LRP1B: variants seen among roughly 807,000 people sequenced by gnomAD.
LRP1B encodes the protein LDL receptor related protein 1B, also known as low-density lipoprotein receptor-related protein 1B.
LRP1B carries 217 observed loss-of-function variants against 556.6 expected under a neutral mutation model. The observed-to-expected ratio is 0.39, with a 90% CI of 0.35 to 0.44. LRP1B has a LOEUF of 0.44. LRP1B is among the 20% of genes least tolerant of loss of function. LRP1B has a pLI of 1.00. For missense variants in LRP1B, 5,053 were observed against 5,620.8 expected (o/e 0.90, Z 3.23); for synonymous variants, 2,047 against 1,865.8 (o/e 1.10, Z -2.50).
At chr2:140,434,286 T>C (rs1441615508) in intron 66 of LRP1B, among the ~76,000 whole-genome samples, 1 of 152,064 alleles carries the variant, frequency 6.6e-6, no homozygotes, top group Non-Finnish European at 1.5e-5. Flanking sequence ...ACCAGGCTGG[T>C]CTTGAACTCC....
intron 1 of LRP1B, among the ~76,000 whole-genome samples, chr2:141,880,525 C>T (rs1008007420): frequency 1.3e-5 from 2 of 151,748 alleles, no homozygotes; most frequent in African/African-American, 2.4e-5. Context: ...AAAACATCTT[C>T]AATTTTAATA....
rs1692084479 is a variant in LRP1B, at chr2:140,840,936, G to A, written c.5096C>T (p.Ala1699Val). The A allele has an allele frequency of 6.2e-7, 1 of 1,610,488 alleles. No homozygotes were observed. Among genetic ancestry groups the A allele is most frequent in the Non-Finnish European group, 8.5e-7 (1 of 1,178,382 alleles). ...ACTTTACCCCCTGACTGGGTGAGCTGCAAGACACTGTGGCTTATCGATTCC... is the reference window on the plus strand; with the variant it reads ...ACTTTACCCCCTGACTGGGTGAGCTACAAGACACTGTGGCTTATCGATTCC... ...IHGIDKPQCL[A>V]AHPVRGKLYW... is the part of the protein sequence containing the mutation. Residue 1699 changes from alanine (A) to valine (V), a missense_variant, in exon 30 of 91, where the codon GCA (alanine) becomes GTA (valine). Coordinates refer to ENST00000389484, the MANE Select transcript of LRP1B (RefSeq NM_018557.3).
intron 60 of LRP1B, among the ~76,000 whole-genome samples, chr2:140,471,305 C>G (rs745844483): frequency 6.6e-6 from 1 of 152,016 alleles, no homozygotes; most frequent in Admixed American, 6.6e-5. Context: ...TGTTTAAATA[C>G]GTCTTTAGAA....
At chr2:141,561,810 T>C (rs541775523) in intron 2 of LRP1B, among the ~76,000 whole-genome samples, 1 of 151,212 alleles carries the variant, frequency 6.6e-6, no homozygotes, top group Non-Finnish European at 1.5e-5. Context: ...TATCTAGAAT[T>C]TTAGGCAAAA....
At chr2:142,081,196 G>C (rs1418864688) in intron 1 of LRP1B, among the ~76,000 whole-genome samples, 1 of 151,982 alleles carries the variant, frequency 6.6e-6, no homozygotes, top group Non-Finnish European at 1.5e-5. Flanking sequence ...ATTCAATAAG[G>C]CCTGAGAAAT....
intron 1 of LRP1B, among the ~76,000 whole-genome samples, chr2:141,825,225 C>A (rs776854253): frequency 6.6e-6 from 1 of 152,128 alleles, no homozygotes; most frequent in African/African-American, 2.4e-5. Flanking sequence ...TATTTATTTA[C>A]AGCTTTGTGA....
In LRP1B at chr2:141,365,741, C is replaced by T. The variant is rs574200412; in HGVS notation, c.344-111100G>A. Among the ~76,000 whole-genome samples, 23 of 140,890 alleles carry T rather than the reference C, an allele frequency of 1.6e-4. 1 individual carries two copies. Among genetic ancestry groups the T allele is most frequent in the Admixed American group, 1.4e-3 (19 of 13,224 alleles). 92.4% of individuals were successfully genotyped at this position (140,890 alleles called of 152,430 possible). ...AGGCTGGAGTGCAGTGGCACAATCT[C>T]GGCTACCTGCAAGATCCGCCTCCCG... is the stretch of plus-strand genomic sequence containing the variant. On this transcript the variant is annotated intron_variant, in intron 3 of 90. Transcript: ENST00000389484.
chr2:141,616,262 C>A (rs1439986308), intron 2 of LRP1B, among the ~76,000 whole-genome samples: 2 of 145,936 alleles, frequency 1.4e-5, no homozygotes, highest in African/African-American at 5.2e-5. Context: ...AGCCTGACCA[C>A]AGGGTGAGAC....
At position 142,116,374 on chromosome 2, in the gene LRP1B, G is replaced by A. The variant is rs748666210; in HGVS notation, c.82+14274C>T. ...TGATCATGAGAAAACATCAGACAAA[G>A]CCAAATTGTAGGACAGTTACTAAAG... is the stretch of plus-strand genomic sequence containing the variant. On this transcript the variant is annotated intron_variant, in intron 1 of 90. Transcript: ENST00000389484. Among the ~76,000 whole-genome samples the A allele has an allele frequency of 4.9e-4, 75 of 151,846 alleles. 1 individual carries two copies. Among genetic ancestry groups the A allele is most frequent in the Admixed American group, 5.3e-4 (8 of 15,210 alleles).
At chr2:141,172,662 A>C (rs1187903753) in intron 7 of LRP1B, among the ~76,000 whole-genome samples, 2 of 152,072 alleles carry the variant, frequency 1.3e-5, no homozygotes, top group African/African-American at 4.8e-5. Context: ...AGTAAAATAC[A>C]CAAAATCTTT....
chr2:140,506,159 C>G (rs1574015555), intron 53 of LRP1B, among the ~76,000 whole-genome samples: 1 of 151,980 alleles, frequency 6.6e-6, no homozygotes, highest in Non-Finnish European at 1.5e-5. Flanking sequence ...TACAACTGAA[C>G]AAGCCAGCCA....
chr2:140,966,784 A>AT (rs1473820275), intron 18 of LRP1B, among the ~76,000 whole-genome samples: 1 of 152,130 alleles, frequency 6.6e-6, no homozygotes, highest in Non-Finnish European at 1.5e-5. Flanking sequence ...TCCCAGCACC[A>AT]TTTATTAAAT....
chr2:141,639,343 T>C (rs796648335), intron 2 of LRP1B, among the ~76,000 whole-genome samples: 35,391 of 63,060 alleles, frequency 0.56, 9,974 homozygotes, highest in Middle Eastern at 0.65. Context: ...TATATATATA[T>C]ATATATACAC....
chr2:140,511,783 T>C (rs1033040554), intron 51 of LRP1B, among the ~76,000 whole-genome samples: 9 of 152,188 alleles, frequency 5.9e-5, no homozygotes, highest in African/African-American at 2.2e-4. Flanking sequence ...AGTTAGAAAA[T>C]AATCTATTAA....
intron 40 of LRP1B, among the ~76,000 whole-genome samples, chr2:140,701,284 G>A (rs1001741867): frequency 6.6e-6 from 1 of 152,186 alleles, no homozygotes; most frequent in East Asian, 1.9e-4. Context: ...TTTTAAGGAA[G>A]TAATGACTTT....
rs139655097 is a variant in LRP1B, at chr2:141,693,757, T to C, written c.205+116522A>G. Among the ~76,000 whole-genome samples, 510 of 152,158 alleles carry C rather than the reference T, an allele frequency of 3.4e-3. 3 individuals are homozygous for C. The highest frequency in any genetic ancestry group is 0.012 in the African/African-American group (485 of 41,570). On this transcript the variant is annotated intron_variant, in intron 2 of 90. Transcript: ENST00000389484. ...ATAACTCATGTCTAAGGGATTCTTA[T>C]CAATGCCCCTTCTCAGTCCCCTTGG...
At chr2:141,942,462 T>C (rs2105016795) in intron 1 of LRP1B, among the ~76,000 whole-genome samples, 1 of 152,188 alleles carries the variant, frequency 6.6e-6, no homozygotes, top group East Asian at 1.9e-4. Flanking sequence ...CACAGTGCTG[T>C]TCTGACAAGA....
At chr2:140,873,020 GA>G (rs924090172) in intron 25 of LRP1B, among the ~76,000 whole-genome samples, 132 of 151,800 alleles carry the variant, frequency 8.7e-4, no homozygotes, top group Non-Finnish European at 1.5e-3. Context: ...ACTTTATCAG[GA>G]AAAAAAGACT....
chr2:141,265,677 T>C (rs988951610), intron 3 of LRP1B, among the ~76,000 whole-genome samples: 6 of 152,304 alleles, frequency 3.9e-5, no homozygotes, highest in African/African-American at 1.4e-4. Context: ...CTTTCCCTTA[T>C]TCTCAAAACA....
Sources: gnomAD v4.1 joint callset for allele counts (sites outside exome capture counted in the v4.1 genomes callset) on GRCh38, gnomAD v4.1.1 for gene constraint, MANE v1.5 for transcripts, NCBI Gene and HGNC (gene_info 2026-07-23, HGNC 2026-07-21) for gene names.